Variants in PAGE2B observed in about 807,000 individuals in gnomAD.
PAGE2B encodes the protein putative G antigen family E member 3.
In PAGE2B, 5 loss-of-function variants were observed where a neutral mutation model predicts 7.6. The ratio of observed to expected loss-of-function variants is 0.66; its 90% CI spans 0.34 to 1.38. The LOEUF (loss-of-function observed/expected upper bound fraction) is 1.38. Among genes scored for constraint, PAGE2B ranks in the 40% most tolerant of loss-of-function variants. The pLI, the probability that PAGE2B is intolerant of heterozygous loss-of-function variation, is 0.04. For missense variants in PAGE2B, 70 were observed against 78.4 expected (o/e 0.89, Z 0.41); for synonymous variants, 29 against 26.7 (o/e 1.09, Z -0.27).
the PAGE2B span, among the ~76,000 whole-genome samples, chrX:55,043,176 G>A: frequency 2.7e-5 from 3 of 111,533 alleles, no homozygotes; most frequent in Non-Finnish European, 5.6e-5. Flanking sequence ...CATCTCTCAC[G>A]TTATACAAAA....
the PAGE2B span, among the ~76,000 whole-genome samples, chrX:55,043,374 A>G: frequency 9.8e-5 from 11 of 111,952 alleles, no homozygotes; most frequent in South Asian, 4.1e-3. Context: ...TGCTCAGCAA[A>G]GGAAATAATC....
At chrX:55,029,123 T>C in the PAGE2B span, among the ~76,000 whole-genome samples, 1 of 112,139 alleles carries the variant, frequency 8.9e-6, no homozygotes, top group African/African-American at 3.2e-5. Context: ...ATTTTCTCCA[T>C]TTCCCATGTA....
At chrX:55,070,681 G>T (rs1256413376), upstream of PAGE2B, among the ~76,000 whole-genome samples, 1 of 111,380 alleles carries the variant, frequency 9.0e-6, no homozygotes, top group Admixed American at 9.5e-5. Context: ...TCTCTTTGTA[G>T]GTCTCTAAGA....
chrX:55,046,819 A>G, the PAGE2B span, among the ~76,000 whole-genome samples: 1 of 112,390 alleles, frequency 8.9e-6, no homozygotes, highest in Admixed American at 9.4e-5. Flanking sequence ...CTGAACTGCA[A>G]CAATGGCCTT....
upstream of PAGE2B, among the ~76,000 whole-genome samples, chrX:55,070,509 G>A (rs1179086332): frequency 1.8e-5 from 2 of 111,831 alleles, no homozygotes; most frequent in East Asian, 5.6e-4. Context: ...TGTATATTCT[G>A]TTGATTTGGG....
At chrX:55,068,722 G>A in the PAGE2B span, among the ~76,000 whole-genome samples, 1 of 111,438 alleles carries the variant, frequency 9.0e-6, no homozygotes. Context: ...ATTGAGCAGT[G>A]GTTTGTAGTT....
chrX:55,037,662 A>T, the PAGE2B span, among the ~76,000 whole-genome samples: 1,042 of 109,508 alleles, frequency 9.5e-3, 16 homozygotes, highest in African/African-American at 0.033. Context: ...CAAATGTCCA[A>T]CAATGATAGA....
At chrX:55,072,266 T>G, upstream of PAGE2B, among the ~76,000 whole-genome samples, 1 of 112,145 alleles carries the variant, frequency 8.9e-6, no homozygotes. Flanking sequence ...CGTCTGGGGG[T>G]CCTTTTTGTT....
At chrX:55,075,959 A>G (rs776534937) in intron 1 of PAGE2B, 75 bp from the exon 2 acceptor site, 101 of 968,926 alleles carry the variant, frequency 1.0e-4, no homozygotes, top group Non-Finnish European at 1.4e-4. Flanking sequence ...ACAAATCACC[A>G]TTTTGCCATG....
At chrX:55,043,076 A>T in the PAGE2B span, among the ~76,000 whole-genome samples, 1 of 111,579 alleles carries the variant, frequency 9.0e-6, no homozygotes, top group African/African-American at 3.3e-5. Flanking sequence ...CAAAGCAAAC[A>T]AAAACATAAA....
chrX:55,065,163 A>G, the PAGE2B span, among the ~76,000 whole-genome samples: 2 of 111,574 alleles, frequency 1.8e-5, no homozygotes, highest in African/African-American at 3.3e-5. Context: ...GTTTCCAGCT[A>G]TTATTGTATT....
At chrX:55,056,934 G>A in the PAGE2B span, among the ~76,000 whole-genome samples, 13 of 111,719 alleles carry the variant, frequency 1.2e-4, no homozygotes, top group East Asian at 5.6e-4. Context: ...CTGTTCTGCC[G>A]AAGATTCTCA....
At chrX:55,061,892 T>C in the PAGE2B span, among the ~76,000 whole-genome samples, 1 of 111,628 alleles carries the variant, frequency 9.0e-6, no homozygotes, top group African/African-American at 3.3e-5. Context: ...CATAATGACC[T>C]CCAGTTCCAT....
chrX:55,028,316 G>A, the PAGE2B span, among the ~76,000 whole-genome samples: 433 of 111,248 alleles, frequency 3.9e-3, 3 homozygotes, highest in Admixed American at 0.014. Flanking sequence ...TCTGGCTAGA[G>A]CTGGCCCTGG....
At chrX:55,064,910 G>A in the PAGE2B span, among the ~76,000 whole-genome samples, 2,316 of 111,717 alleles carry the variant, frequency 0.021, 70 homozygotes, top group African/African-American at 0.072. Flanking sequence ...GGTCAGAGAA[G>A]ATGCTTGATA....
At chrX:55,045,446 T>A in the PAGE2B span, among the ~76,000 whole-genome samples, 2 of 111,696 alleles carry the variant, frequency 1.8e-5, no homozygotes, top group Non-Finnish European at 3.8e-5. Flanking sequence ...TGACCCTGCT[T>A]GTAACATCTC....
the PAGE2B span, among the ~76,000 whole-genome samples, chrX:55,051,625 T>A: frequency 8.9e-6 from 1 of 112,541 alleles, no homozygotes; most frequent in Admixed American, 9.4e-5. Flanking sequence ...TGTGCATTCG[T>A]CACGTAGTTC....
chrX:55,075,955 C>G, intron 1 of PAGE2B, 79 bp from the exon 2 acceptor site: 1 of 940,668 alleles, frequency 1.1e-6, no homozygotes. Context: ...AAATACAAAT[C>G]ACCATTTTGC....
chrX:55,077,346 T>A (rs1965320), intron 3 of PAGE2B, 53 bp from the exon 4 acceptor site: 2 of 1,189,196 alleles, frequency 1.7e-6, no homozygotes, highest in South Asian at 1.8e-5. Context: ...ATCATTTCCT[T>A]GTTCATAGTT....
Sources: allele counts gnomAD v4.1 joint callset (sites outside exome capture counted in the v4.1 genomes callset), GRCh38; gene constraint gnomAD v4.1.1; transcripts MANE v1.5; gene names NCBI Gene and HGNC (gene_info 2026-07-23, HGNC 2026-07-21).